The following UBE2E2 variants were observed in gnomAD, a reference collection of about 807,000 sequenced individuals.
The protein encoded by UBE2E2 is ubiquitin-conjugating enzyme E2 E2.
UBE2E2 carries 6 observed loss-of-function variants against 24.7 expected under a neutral mutation model. The ratio of observed to expected loss-of-function variants is 0.24; its 90% CI spans 0.13 to 0.48. The LOEUF (loss-of-function observed/expected upper bound fraction) is 0.48, where lower values mean the gene tolerates loss of function less well. Among genes scored for constraint, UBE2E2 ranks in the 20% least tolerant of loss-of-function variants. UBE2E2 has a pLI of 0.99. For synonymous variants in UBE2E2, 104 were observed against 83.6 expected, an observed-to-expected ratio of 1.24 and a Z score of -1.33; for missense variants, 169 against 245.0, an observed-to-expected ratio of 0.69 and a Z score of 2.07.
At chr3:23,373,344 AAGCCT>A (rs1696442407) in intron 3 of UBE2E2, among the ~76,000 whole-genome samples, 1 of 152,152 alleles carries the variant, frequency 6.6e-6, no homozygotes, top group Admixed American at 6.5e-5. Flanking sequence ...GCAGGAAGGA[AAGCCT>A]AGCTTCCCAT....
intron 3 of UBE2E2, among the ~76,000 whole-genome samples, chr3:23,350,398 T>C (rs898594481): frequency 4.6e-5 from 7 of 152,180 alleles, no homozygotes; most frequent in African/African-American, 1.7e-4. Context: ...ATGACTTTGA[T>C]GAGTTGAGAG....
intron 3 of UBE2E2, among the ~76,000 whole-genome samples, chr3:23,269,732 G>T (rs1357703888): frequency 6.6e-6 from 1 of 152,184 alleles, no homozygotes; most frequent in South Asian, 2.1e-4. Flanking sequence ...GCTTGTGCAG[G>T]ACATTAGAGC....
chr3:23,538,234 T>G (rs761758956), intron 5 of UBE2E2, among the ~76,000 whole-genome samples: 1 of 152,148 alleles, frequency 6.6e-6, no homozygotes, highest in Non-Finnish European at 1.5e-5. Flanking sequence ...GCACAACATA[T>G]AGCTAACTTC....
intron 5 of UBE2E2, among the ~76,000 whole-genome samples, chr3:23,573,835 A>G (rs2125514210): frequency 6.6e-6 from 1 of 152,140 alleles, no homozygotes; most frequent in East Asian, 1.9e-4. Flanking sequence ...AGATTGTGCT[A>G]TTAGGTCAAT....
chr3:23,416,281 A>G (rs1697629020), intron 3 of UBE2E2, among the ~76,000 whole-genome samples: 1 of 152,190 alleles, frequency 6.6e-6, no homozygotes, highest in African/African-American at 2.4e-5. Context: ...GCTTGTCTGT[A>G]AAGGATTTTA....
At chr3:23,473,953 A>G (rs917103513) in intron 3 of UBE2E2, among the ~76,000 whole-genome samples, 4 of 151,984 alleles carry the variant, frequency 2.6e-5, no homozygotes, top group African/African-American at 9.7e-5. Flanking sequence ...TGGTAGTTCT[A>G]TTTTTAGTTC....
At chr3:23,510,863 G>C (rs976031222) in intron 4 of UBE2E2, among the ~76,000 whole-genome samples, 1 of 152,118 alleles carries the variant, frequency 6.6e-6, no homozygotes, top group African/African-American at 2.4e-5. Context: ...AGATGAGTAA[G>C]ATACAGCCCT....
At chr3:23,315,963 T>A (rs1425467699) in intron 3 of UBE2E2, among the ~76,000 whole-genome samples, 1 of 152,242 alleles carries the variant, frequency 6.6e-6, no homozygotes, top group South Asian at 2.1e-4. Context: ...CTTTACTTTA[T>A]CCCAAACAAA....
intron 3 of UBE2E2, among the ~76,000 whole-genome samples, chr3:23,364,725 C>G (rs1696211377): frequency 6.6e-6 from 1 of 152,148 alleles, no homozygotes; most frequent in Non-Finnish European, 1.5e-5. Context: ...CCTACTGAAA[C>G]TGCTCCTACA....
intron 3 of UBE2E2, among the ~76,000 whole-genome samples, chr3:23,475,755 C>T (rs1699119409): frequency 6.6e-6 from 1 of 151,982 alleles, no homozygotes; most frequent in Admixed American, 6.6e-5. Flanking sequence ...GGCTTTTATA[C>T]CACAGGGAAA....
chr3:23,348,400 A>G (rs1695625542), intron 3 of UBE2E2, among the ~76,000 whole-genome samples: 1 of 151,596 alleles, frequency 6.6e-6, no homozygotes, highest in South Asian at 2.1e-4. Flanking sequence ...TGCTAGGGTT[A>G]CCACCTAGAA....
At chr3:23,281,601 G>GC (rs1432801048) in intron 3 of UBE2E2, among the ~76,000 whole-genome samples, 1 of 152,222 alleles carries the variant, frequency 6.6e-6, no homozygotes, top group Non-Finnish European at 1.5e-5. Context: ...TGGCACCACT[G>GC]CATTCCAGCC....
At chr3:23,266,703 C>T (rs546723614) in intron 3 of UBE2E2, among the ~76,000 whole-genome samples, 5 of 152,206 alleles carry the variant, frequency 3.3e-5, no homozygotes, top group South Asian at 2.1e-4. Flanking sequence ...ACCAAGCAGA[C>T]GTAATAGACA....
intron 5 of UBE2E2, among the ~76,000 whole-genome samples, chr3:23,581,272 T>C (rs1696471002): frequency 2.0e-5 from 3 of 151,694 alleles, no homozygotes; most frequent in Admixed American, 6.6e-5. Context: ...TTGATCAGGT[T>C]CATCTTAAAC....
intron 3 of UBE2E2, among the ~76,000 whole-genome samples, chr3:23,226,928 A>T (rs77905232): frequency 1.3e-5 from 2 of 151,340 alleles, no homozygotes; most frequent in African/African-American, 4.9e-5. Context: ...GCATGAATAC[A>T]GGTTCAAGTT....
chr3:23,438,843 G>T (rs1219629258), intron 3 of UBE2E2, among the ~76,000 whole-genome samples: 1 of 152,168 alleles, frequency 6.6e-6, no homozygotes, highest in East Asian at 1.9e-4. Context: ...CAGAATTACT[G>T]TGGGTTTATG....
At chr3:23,272,267 C>G (rs372031954) in intron 3 of UBE2E2, among the ~76,000 whole-genome samples, 113 of 152,332 alleles carry the variant, frequency 7.4e-4, no homozygotes, top group African/African-American at 2.2e-3. Context: ...TGCTAAGTCC[C>G]TCACTGCCCG....
chr3:23,462,352 C>T (rs568960914), intron 3 of UBE2E2, among the ~76,000 whole-genome samples: 1 of 152,234 alleles, frequency 6.6e-6, no homozygotes, highest in African/African-American at 2.4e-5. Context: ...TAATAATTCT[C>T]ATTATGTGGT....
intron 5 of UBE2E2, among the ~76,000 whole-genome samples, chr3:23,580,411 A>T (rs1207995039): frequency 6.6e-6 from 1 of 152,256 alleles, no homozygotes; most frequent in Non-Finnish European, 1.5e-5. Context: ...CAGTAAAAAG[A>T]TTACGACTTA....
Sources: gnomAD v4.1 joint callset for allele counts (sites outside exome capture counted in the v4.1 genomes callset) on GRCh38, gnomAD v4.1.1 for gene constraint, MANE v1.5 for transcripts, NCBI Gene and HGNC (gene_info 2026-07-23, HGNC 2026-07-21) for gene names.